CCSER1: variants seen among roughly 807,000 people sequenced by gnomAD.
CCSER1 encodes serine-rich coiled-coil domain-containing protein 1.
Under a neutral mutation model 82.0 loss-of-function variants are expected in CCSER1, and 41 were observed. The ratio of observed to expected loss-of-function variants is 0.50; its 90% CI spans 0.39 to 0.65. The LOEUF is 0.65. Among genes scored for constraint, CCSER1 ranks in the 30% least tolerant of loss-of-function variants. The pLI is 0.00. For missense variants in CCSER1, 1,119 were observed against 1,064.2 expected, an observed-to-expected ratio of 1.05 and a Z score of -0.72; for synonymous variants, 414 against 383.9, an observed-to-expected ratio of 1.08 and a Z score of -0.92.
At chr4:90,728,163 TG>T (rs1349272552) in intron 7 of CCSER1, among the ~76,000 whole-genome samples, 1 of 152,184 alleles carries the variant, frequency 6.6e-6, no homozygotes, top group East Asian at 1.9e-4. Flanking sequence ...GAATGCACAA[TG>T]GCACCACCCT....
chr4:90,842,125 A>G (rs1762646570), intron 8 of CCSER1, among the ~76,000 whole-genome samples: 1 of 152,164 alleles, frequency 6.6e-6, no homozygotes, highest in Admixed American at 6.5e-5. Flanking sequence ...CTAATTTGTT[A>G]GTCAACATAG....
At chr4:90,627,823 A>G (rs979427284) in intron 5 of CCSER1, among the ~76,000 whole-genome samples, 5 of 152,008 alleles carry the variant, frequency 3.3e-5, no homozygotes, top group African/African-American at 1.2e-4. Flanking sequence ...TACTAAGAAT[A>G]CAAGATCACG....
At chr4:91,114,455 C>G (rs1044004645) in intron 10 of CCSER1, among the ~76,000 whole-genome samples, 5 of 152,136 alleles carry the variant, frequency 3.3e-5, no homozygotes, top group African/African-American at 2.4e-5. Flanking sequence ...AAGATGTCAT[C>G]GTATTTTTAG....
chr4:90,918,363 A>AT (rs1054798162), intron 8 of CCSER1: 2 of 418,520 alleles, frequency 4.8e-6, no homozygotes, highest in African/African-American at 4.2e-5. Flanking sequence ...AATTGGACTG[A>AT]TTTTTTGGGA....
intron 5 of CCSER1, among the ~76,000 whole-genome samples, chr4:90,598,195 T>C (rs550552033): frequency 6.6e-6 from 1 of 152,260 alleles, no homozygotes; most frequent in South Asian, 2.1e-4. Flanking sequence ...GTTCTATTTT[T>C]AATTTACATA....
At chr4:91,210,434 A>G (rs2149083398) in intron 10 of CCSER1, among the ~76,000 whole-genome samples, 1 of 151,770 alleles carries the variant, frequency 6.6e-6, no homozygotes, top group Admixed American at 6.6e-5. Context: ...CAATTAATAA[A>G]AAAAGAGTTA....
intron 8 of CCSER1, among the ~76,000 whole-genome samples, chr4:90,849,153 G>A (rs1047760358): frequency 6.6e-6 from 1 of 152,220 alleles, no homozygotes; most frequent in Admixed American, 6.5e-5. Context: ...GGTAGGAACT[G>A]TTTGGAGGGC....
At chr4:91,531,930 C>T (rs1482593541) in intron 10 of CCSER1, among the ~76,000 whole-genome samples, 4 of 152,158 alleles carry the variant, frequency 2.6e-5, no homozygotes, top group Non-Finnish European at 4.4e-5. Flanking sequence ...CCAGGCTGAT[C>T]TCAAACTCTT....
At chr4:90,367,097 A>G (rs1367446247) in intron 3 of CCSER1, among the ~76,000 whole-genome samples, 1 of 151,668 alleles carries the variant, frequency 6.6e-6, no homozygotes, top group East Asian at 1.9e-4. Flanking sequence ...ATAAAACCAA[A>G]GAGAGATATA....
intron 10 of CCSER1, among the ~76,000 whole-genome samples, chr4:91,153,735 A>G (rs1216431237): frequency 1.3e-5 from 2 of 151,964 alleles, no homozygotes; most frequent in Non-Finnish European, 2.9e-5. Flanking sequence ...AACAGTGAAG[A>G]CCGTCAGCTG....
chr4:91,098,138 T>C (rs1245720120), intron 10 of CCSER1, among the ~76,000 whole-genome samples: 4 of 152,236 alleles, frequency 2.6e-5, no homozygotes, highest in Non-Finnish European at 5.9e-5. Context: ...TTCAAGATTC[T>C]TTATTGATGT....
At chr4:91,217,585 G>A (rs1367635964) in intron 10 of CCSER1, among the ~76,000 whole-genome samples, 1 of 152,012 alleles carries the variant, frequency 6.6e-6, no homozygotes, top group African/African-American at 2.4e-5. Flanking sequence ...TAGACATAAA[G>A]GTTCTCCAAG....
At chr4:90,290,375 A>T (rs908827617) in intron 1 of CCSER1, among the ~76,000 whole-genome samples, 1 of 151,938 alleles carries the variant, frequency 6.6e-6, no homozygotes, top group African/African-American at 2.4e-5. Context: ...CAATGCCAGT[A>T]TGTGGTTTTT....
At chr4:91,166,714 ATGTAGT>A (rs938088970) in intron 10 of CCSER1, among the ~76,000 whole-genome samples, 3 of 145,586 alleles carry the variant, frequency 2.1e-5, no homozygotes, top group South Asian at 2.1e-4. Flanking sequence ...TTTAGTGAAA[ATGTAGT>A]TGTTGTTGTT....
chr4:91,261,396 T>C (rs1741120131), intron 10 of CCSER1, among the ~76,000 whole-genome samples: 1 of 152,212 alleles, frequency 6.6e-6, no homozygotes, highest in Non-Finnish European at 1.5e-5. Context: ...GCTTCTCTTA[T>C]GACATGATTT....
chr4:90,601,446 G>A (rs564698334), intron 5 of CCSER1, among the ~76,000 whole-genome samples: 38 of 151,950 alleles, frequency 2.5e-4, no homozygotes, highest in Admixed American at 5.9e-4. Context: ...CCTCCCCTCC[G>A]TGCCTCTTTC....
chr4:91,185,593 A>G (rs996733600), intron 10 of CCSER1, among the ~76,000 whole-genome samples: 13 of 152,196 alleles, frequency 8.5e-5, no homozygotes, highest in Non-Finnish European at 1.6e-4. Context: ...GGAAATGCCC[A>G]GGTTTAGAAT....
chr4:91,592,436 G>A (rs1191960501), intron 10 of CCSER1, among the ~76,000 whole-genome samples: 2 of 152,202 alleles, frequency 1.3e-5, no homozygotes, highest in Admixed American at 1.3e-4. Context: ...ATGGGCAGAG[G>A]TAAATGTGTC....
chr4:91,157,757 G>A (rs571394871), intron 10 of CCSER1, among the ~76,000 whole-genome samples: 4 of 152,052 alleles, frequency 2.6e-5, no homozygotes, highest in Non-Finnish European at 5.9e-5. Flanking sequence ...GCGAATCTGG[G>A]AACCCTATCC....
Sources: allele counts gnomAD v4.1 joint callset (sites outside exome capture counted in the v4.1 genomes callset), GRCh38; gene constraint gnomAD v4.1.1; transcripts MANE v1.5; gene names NCBI Gene and HGNC (gene_info 2026-07-23, HGNC 2026-07-21).